Variants in AMN1 observed in about 807,000 individuals in gnomAD.
AMN1 encodes the protein antagonist of mitotic exit network 1 homolog.
In AMN1, 20 loss-of-function variants were observed where a neutral mutation model predicts 33.0. The ratio of observed to expected loss-of-function variants is 0.61; its 90% confidence interval spans 0.43 to 0.88. The LOEUF is 0.88. Ranked by LOEUF, AMN1 falls within the 40% of genes least tolerant of loss-of-function variation. The pLI, the probability that AMN1 is intolerant of heterozygous loss-of-function variation, is 0.00. For missense variants in AMN1, 246 were observed against 307.4 expected (o/e 0.80, Z 1.49); for synonymous variants, 114 against 111.9 (o/e 1.02, Z -0.12).
intron 1 of AMN1, among the ~76,000 whole-genome samples, chr12:31,712,823 T>C (rs1057153645): frequency 2.0e-5 from 3 of 151,986 alleles, no homozygotes; most frequent in Admixed American, 6.6e-5. Flanking sequence ...ACTCAGCTAA[T>C]TTTTTCTTTT....
intron 1 of AMN1, among the ~76,000 whole-genome samples, chr12:31,719,508 T>C (rs1939802405): frequency 6.6e-6 from 1 of 152,228 alleles, no homozygotes; most frequent in African/African-American, 2.4e-5. Context: ...TTGCTCACTG[T>C]AGATCTAGTG....
chr12:31,676,308 T>C (rs1255421872), intron 6 of AMN1, among the ~76,000 whole-genome samples: 3 of 151,488 alleles, frequency 2.0e-5, no homozygotes, highest in African/African-American at 7.3e-5. Flanking sequence ...TTTTATTTTT[T>C]GCAGAAATCA....
chr12:31,706,730 G>A (rs901463584), intron 2 of AMN1, among the ~76,000 whole-genome samples: 1 of 152,200 alleles, frequency 6.6e-6, no homozygotes, highest in African/African-American at 2.4e-5. Flanking sequence ...CTCTGCCTTG[G>A]AGCTCATCAC....
chr12:31,728,692 A>G (rs1320013131), intron 1 of AMN1, among the ~76,000 whole-genome samples: 1 of 152,218 alleles, frequency 6.6e-6, no homozygotes, highest in Non-Finnish European at 1.5e-5. Context: ...ACTGCCAGTA[A>G]CAGCCGGGGC....
Position 31,728,928 on chromosome 12 carries a change from G to A in AMN1, c.38+43C>T, listed in dbSNP as rs1404639404. 2.6e-6 allele frequency: 4 copies of A among 1,538,046 alleles called. No homozygotes were observed. In the Admixed American group the frequency reaches 5.9e-5, roughly 23 times the overall value. On this transcript the variant is annotated intron_variant, in intron 1 of 6. Coordinates refer to ENST00000281471, the MANE Select transcript of AMN1 (RefSeq NM_001113402.2). ...CGCAGGGCCTGGCCGTTTGGAGGAG[G>A]TGCTGGGGCGGCGCGAAGGGAGGCG...
chr12:31,724,514 C>G (rs1262024357), intron 1 of AMN1, among the ~76,000 whole-genome samples: 2 of 152,058 alleles, frequency 1.3e-5, no homozygotes, highest in Non-Finnish European at 2.9e-5. Context: ...TTGTTTCTTC[C>G]TAGAATTTTC....
chr12:31,688,192 G>A (rs1388318804), intron 6 of AMN1, among the ~76,000 whole-genome samples: 5 of 152,174 alleles, frequency 3.3e-5, no homozygotes, highest in African/African-American at 1.2e-4. Flanking sequence ...AACCTCAGGT[G>A]ATCCACCCGC....
At chr12:31,727,667 T>C (rs1179942682) in intron 1 of AMN1, among the ~76,000 whole-genome samples, 1 of 152,236 alleles carries the variant, frequency 6.6e-6, no homozygotes, top group Non-Finnish European at 1.5e-5. Context: ...ATTCTTTTCC[T>C]TATTAGAAAT....
intron 6 of AMN1, among the ~76,000 whole-genome samples, chr12:31,674,013 CT>C (rs58813002): frequency 1.3e-3 from 193 of 144,032 alleles, no homozygotes; most frequent in Admixed American, 1.5e-3. Context: ...AAAGTCTTAT[CT>C]TTTTTTTTTT....
chr12:31,682,018 T>C (rs1685461665), intron 6 of AMN1, among the ~76,000 whole-genome samples: 1 of 152,136 alleles, frequency 6.6e-6, no homozygotes, highest in African/African-American at 2.4e-5. Context: ...TTCTGTGAAA[T>C]CAGGGATCAG....
At chr12:31,681,269 C>T (rs1398027856) in intron 6 of AMN1, among the ~76,000 whole-genome samples, 5 of 152,202 alleles carry the variant, frequency 3.3e-5, no homozygotes, top group African/African-American at 1.2e-4. Context: ...GCTCTTGTTG[C>T]TCAGGCTGGA....
At chr12:31,722,039 A>G (rs1939894134) in intron 1 of AMN1, among the ~76,000 whole-genome samples, 1 of 151,928 alleles carries the variant, frequency 6.6e-6, no homozygotes, top group Non-Finnish European at 1.5e-5. Context: ...CTTCCTTTCA[A>G]AAGTCAGCCT....
At chr12:31,697,308 C>T in intron 5 of AMN1, 53 bp downstream of exon 5, 1 of 1,493,794 alleles carries the variant, frequency 6.7e-7, no homozygotes, top group Non-Finnish European at 9.2e-7. Context: ...AACATAATTT[C>T]TAAGAATATA....
chr12:31,722,125 C>G (rs973978412), intron 1 of AMN1, among the ~76,000 whole-genome samples: 2 of 122,216 alleles, frequency 1.6e-5, no homozygotes, highest in Non-Finnish European at 3.3e-5. Context: ...CTATATCAGG[C>G]CTTTGACACA....
At chr12:31,721,886 C>T (rs150273571) in intron 1 of AMN1, among the ~76,000 whole-genome samples, 154 of 152,266 alleles carry the variant, frequency 1.0e-3, no homozygotes, top group African/African-American at 3.5e-3. Flanking sequence ...ATACACCATC[C>T]AGACTGCTGC....
intron 6 of AMN1, among the ~76,000 whole-genome samples, chr12:31,676,512 T>G (rs12316869): frequency 4.0e-5 from 6 of 150,880 alleles, no homozygotes; most frequent in African/African-American, 7.4e-5. Context: ...TTAGTAGAGA[T>G]GGGGTTTCAC....
At chr12:31,677,367 C>T (rs986883473) in intron 6 of AMN1, among the ~76,000 whole-genome samples, 4 of 152,284 alleles carry the variant, frequency 2.6e-5, no homozygotes, top group African/African-American at 9.6e-5. Context: ...GTCATTTATG[C>T]TAATCACCCG....
rs375155943 is a variant in AMN1 at position 31,672,300 on chromosome 12, A to G, written c.*4T>C. The G allele has an allele frequency of 2.6e-6, 4 of 1,566,970 alleles. No homozygotes were observed. The South Asian group carries it at 3.5e-5, about 14-fold the overall frequency. On this transcript the variant is annotated 3_prime_UTR_variant, in exon 7 of 7. Coordinates refer to ENST00000281471, the MANE Select transcript of AMN1 (RefSeq NM_001113402.2). ...TCCTAGCATTGATCATCTTCAAAAA[A>G]GCATCAATAAACAGTCCATGTCACT...
chr12:31,722,380 C>A (rs1048257155), intron 1 of AMN1, among the ~76,000 whole-genome samples: 18 of 152,152 alleles, frequency 1.2e-4, no homozygotes, highest in Non-Finnish European at 2.5e-4. Flanking sequence ...AGGTATTCAA[C>A]GGATATTTCA....
Sources: allele counts gnomAD v4.1 joint callset (sites outside exome capture counted in the v4.1 genomes callset), GRCh38; gene constraint gnomAD v4.1.1; transcripts MANE v1.5; gene names NCBI Gene and HGNC (gene_info 2026-07-23, HGNC 2026-07-21).